Variants in ANO10 observed in about 807,000 individuals in gnomAD.
ANO10 encodes the protein anoctamin-10.
Under a neutral mutation model 74.7 loss-of-function variants are expected in ANO10, and 77 were observed. That is an observed-to-expected ratio of 1.03 (90% confidence interval 0.86 to 1.25). The LOEUF is 1.25. Among genes scored for constraint, ANO10 ranks in the 50% most tolerant of loss-of-function variants. The probability of loss-of-function intolerance (pLI) is 0.00; values close to 1 mark genes in which losing one functional copy is unlikely to be tolerated. For missense variants in ANO10, 721 were observed against 778.1 expected (o/e 0.93, Z 0.87); for synonymous variants, 279 against 284.9 (o/e 0.98, Z 0.21).
intron 11 of ANO10, among the ~76,000 whole-genome samples, chr3:43,490,551 G>A (rs1197524517): frequency 6.6e-6 from 1 of 152,148 alleles, no homozygotes; most frequent in African/African-American, 2.4e-5. Context: ...TCACAGAACA[G>A]ATACTTGCTA....
chr3:43,416,230 G>A (rs151154896), intron 12 of ANO10, among the ~76,000 whole-genome samples: 2 of 152,068 alleles, frequency 1.3e-5, no homozygotes, highest in African/African-American at 2.4e-5. Context: ...ACAAATCTAC[G>A]CATACACTGC....
At chr3:43,598,304 T>C (rs1389134893) in intron 4 of ANO10, among the ~76,000 whole-genome samples, 2 of 152,230 alleles carry the variant, frequency 1.3e-5, no homozygotes, top group Non-Finnish European at 2.9e-5. Context: ...CACTGGATTT[T>C]AAGCTAACTG....
intron 1 of ANO10, among the ~76,000 whole-genome samples, chr3:43,634,363 G>C (rs1017086097): frequency 2.0e-5 from 3 of 152,182 alleles, no homozygotes; most frequent in Non-Finnish European, 4.4e-5. Flanking sequence ...ACTATTAAGA[G>C]TGTAGGCAGT....
chr3:43,369,551 G>A (rs1430830190), intron 12 of ANO10, among the ~76,000 whole-genome samples: 1 of 152,238 alleles, frequency 6.6e-6, no homozygotes, highest in Non-Finnish European at 1.5e-5. Context: ...CCACGGCCAT[G>A]GGATGTCTCA....
chr3:43,678,656 G>C (rs562935034), intron 1 of ANO10, among the ~76,000 whole-genome samples: 1 of 152,254 alleles, frequency 6.6e-6, no homozygotes, highest in East Asian at 1.9e-4. Flanking sequence ...CTCACTTGGG[G>C]AGCTCGGCTC....
At chr3:43,592,327 C>T (rs951889823) in intron 4 of ANO10, among the ~76,000 whole-genome samples, 3 of 152,224 alleles carry the variant, frequency 2.0e-5, no homozygotes, top group Non-Finnish European at 2.9e-5. Context: ...CACCGAGTAG[C>T]CTAACTGGGA....
At chr3:43,462,139 G>C (rs993253207) in intron 11 of ANO10, among the ~76,000 whole-genome samples, 1 of 152,200 alleles carries the variant, frequency 6.6e-6, no homozygotes, top group Non-Finnish European at 1.5e-5. Flanking sequence ...TTGAGCTTGA[G>C]AGAGTTGATT....
intron 11 of ANO10, 148 bp from the exon 12 acceptor site, chr3:43,432,875 G>GC: frequency 1.6e-6 from 1 of 606,874 alleles, no homozygotes; most frequent in Non-Finnish European, 3.0e-6. Context: ...GACCAAGCAG[G>GC]CCCATGAGTT....
chr3:43,538,570 G>A (rs780907580), intron 11 of ANO10, among the ~76,000 whole-genome samples: 11 of 152,154 alleles, frequency 7.2e-5, no homozygotes, highest in Non-Finnish European at 1.6e-4. Flanking sequence ...AAACTGTAAC[G>A]ATGGCAGGCA....
intron 11 of ANO10, among the ~76,000 whole-genome samples, chr3:43,530,852 C>T (rs1559656075): frequency 6.6e-6 from 1 of 152,102 alleles, no homozygotes; most frequent in African/African-American, 2.4e-5. Context: ...TGGAACCATC[C>T]TTTGCAGATA....
At chr3:43,524,076 C>T (rs1409216260) in intron 11 of ANO10, among the ~76,000 whole-genome samples, 2 of 152,046 alleles carry the variant, frequency 1.3e-5, no homozygotes, top group Admixed American at 1.3e-4. Context: ...ACAGTGGAAG[C>T]CACGGAGATG....
chr3:43,438,166 G>T (rs9845142), intron 11 of ANO10, among the ~76,000 whole-genome samples: 81,223 of 152,044 alleles, frequency 0.53, 22,520 homozygotes, highest in East Asian at 0.83. Context: ...AGGTATGATG[G>T]CTCACACTTG....
At chr3:43,439,203 A>ATT (rs2093121974) in intron 11 of ANO10, among the ~76,000 whole-genome samples, 1 of 151,942 alleles carries the variant, frequency 6.6e-6, no homozygotes, top group Non-Finnish European at 1.5e-5. Flanking sequence ...CAGCAAGAAG[A>ATT]TTGGGGGCCA....
At chr3:43,457,746 C>T (rs2075196956) in intron 11 of ANO10, among the ~76,000 whole-genome samples, 1 of 152,192 alleles carries the variant, frequency 6.6e-6, no homozygotes, top group Admixed American at 6.5e-5. Context: ...CTCTAAACTA[C>T]AAATTACTTT....
intron 12 of ANO10, among the ~76,000 whole-genome samples, chr3:43,384,115 T>C (rs909459888): frequency 2.0e-5 from 3 of 152,040 alleles, no homozygotes; most frequent in South Asian, 4.1e-4. Flanking sequence ...AGCCCTGCTA[T>C]ATACCAACAG....
intron 11 of ANO10, among the ~76,000 whole-genome samples, chr3:43,544,927 C>G (rs1290101466): frequency 2.0e-5 from 3 of 151,562 alleles, no homozygotes; most frequent in African/African-American, 7.3e-5. Context: ...AACATTAACA[C>G]TCAACATCAA....
chr3:43,436,509 G>T (rs945298164), intron 11 of ANO10, among the ~76,000 whole-genome samples: 6 of 152,140 alleles, frequency 3.9e-5, no homozygotes, highest in Admixed American at 6.5e-5. Flanking sequence ...GTGAGGAGAC[G>T]GGCAGAATTT....
intron 1 of ANO10, among the ~76,000 whole-genome samples, chr3:43,689,915 A>T (rs2084330376): frequency 6.6e-6 from 1 of 152,228 alleles, no homozygotes; most frequent in African/African-American, 2.4e-5. Context: ...GACACACACC[A>T]AACATAAATG....
intron 1 of ANO10, among the ~76,000 whole-genome samples, chr3:43,629,115 C>A (rs987467061): frequency 6.6e-6 from 1 of 152,186 alleles, no homozygotes; most frequent in Non-Finnish European, 1.5e-5. Flanking sequence ...ATGTCTCCCC[C>A]GGACACCCAG....
Sources: allele counts gnomAD v4.1 joint callset (sites outside exome capture counted in the v4.1 genomes callset), GRCh38; gene constraint gnomAD v4.1.1; transcripts MANE v1.5; gene names NCBI Gene and HGNC (gene_info 2026-07-23, HGNC 2026-07-21).